The following TRAPPC11 variants were observed in gnomAD, a reference collection of about 807,000 sequenced individuals.
TRAPPC11 encodes foie gras homolog.
In TRAPPC11, 104 loss-of-function variants were observed where a neutral mutation model predicts 151.2. The observed-to-expected ratio is 0.69, with a 90% confidence interval of 0.59 to 0.81. The LOEUF is 0.81. Ranked by LOEUF, TRAPPC11 falls within the 30% of genes least tolerant of loss-of-function variation. TRAPPC11 has a pLI of 0.00. For synonymous variants in TRAPPC11, 456 were observed against 472.3 expected (o/e 0.97, Z 0.45); for missense variants, 1,230 against 1,349.6 (o/e 0.91, Z 1.39).
chr4:183,666,090 C>G (rs1734867597), intron 2 of TRAPPC11, 167 bp from the exon 3 acceptor site: 1 of 547,244 alleles, frequency 1.8e-6, no homozygotes, highest in Non-Finnish European at 3.1e-6. Context: ...GAGATTCCAC[C>G]TTCAACACTT....
At chr4:183,692,467 A>G (rs767701886) in intron 19 of TRAPPC11, among the ~76,000 whole-genome samples, 3 of 152,006 alleles carry the variant, frequency 2.0e-5, no homozygotes, top group Non-Finnish European at 4.4e-5. Context: ...ATAAATAATA[A>G]TTAGTAATTC....
At chr4:183,665,058 C>T (rs1248586856) in intron 2 of TRAPPC11, among the ~76,000 whole-genome samples, 2 of 151,644 alleles carry the variant, frequency 1.3e-5, no homozygotes, top group Non-Finnish European at 2.9e-5. Flanking sequence ...GCATCCCAGC[C>T]CTGGCCCTCA....
chr4:183,659,438 TG>T lies in TRAPPC11; in HGVS notation c.-27del. Reference sequence around the variant, plus strand: ...CCTCAGCTGCAGCGGGCCCGGGGCGTGGGGCCTGGGTGAGTCCGGGCCCGGA... The same window carrying T: ...CCTCAGCTGCAGCGGGCCCGGGGCGTGGGCCTGGGTGAGTCCGGGCCCGGA... On this transcript the variant is annotated 5_prime_UTR_variant, in exon 1 of 30. Coordinates refer to ENST00000334690, the MANE Select transcript of TRAPPC11 (RefSeq NM_021942.6). The T allele has an allele frequency of 6.4e-6, 1 of 155,302 alleles. No individual in the cohort carries two copies. Among genetic ancestry groups the T allele is most frequent in the Non-Finnish European group, 1.4e-5 (1 of 70,142 alleles). 9.6% of individuals were successfully genotyped at this position (155,302 alleles called of 1,614,324 possible).
At chr4:183,660,965 G>A (rs1383307800) in intron 1 of TRAPPC11, among the ~76,000 whole-genome samples, 2 of 152,042 alleles carry the variant, frequency 1.3e-5, no homozygotes, top group Non-Finnish European at 2.9e-5. Flanking sequence ...GCCCGCCTTG[G>A]CCTCCCAAAG....
chr4:183,664,832 A>G (rs1434885811), intron 2 of TRAPPC11, among the ~76,000 whole-genome samples: 2 of 151,864 alleles, frequency 1.3e-5, no homozygotes, highest in Non-Finnish European at 2.9e-5. Flanking sequence ...CTTTTGCCCT[A>G]GAGCAGTGTC....
intron 1 of TRAPPC11, among the ~76,000 whole-genome samples, chr4:183,661,352 G>A (rs1395469528): frequency 7.0e-6 from 1 of 142,104 alleles, no homozygotes; most frequent in East Asian, 2.1e-4. Flanking sequence ...GTATACTGGT[G>A]TAGATTACCT....
At chr4:183,673,033 G>A (rs1464063192) in intron 5 of TRAPPC11, among the ~76,000 whole-genome samples, 2 of 146,506 alleles carry the variant, frequency 1.4e-5, no homozygotes, top group Admixed American at 7.0e-5. Context: ...CGTCATCTCC[G>A]TTCATTGCAA....
chr4:183,712,436 G>A (rs1002774914), intron 29 of TRAPPC11, among the ~76,000 whole-genome samples, 164 bp from the exon 30 acceptor site: 5 of 152,188 alleles, frequency 3.3e-5, no homozygotes, highest in African/African-American at 1.2e-4. Flanking sequence ...GAGGTGGGGT[G>A]AAAGGAGGAG....
In TRAPPC11 at chr4:183,675,144, A is replaced by T. The variant is rs530638694; in HGVS notation, c.661-20A>T. 5.3e-5 allele frequency: 73 copies of T among 1,379,170 alleles called. 1 individual carries two copies. The African/African-American group carries it at 9.7e-4, about 18-fold the overall frequency. The allele number at this position is 1,379,170 out of a possible 1,614,324, so 85.4% of individuals were successfully genotyped here. A position where few individuals can be genotyped will look rare whatever the true frequency, so the allele number is the denominator to read the frequency against. On this transcript the variant is annotated intron_variant, in intron 6 of 29. Coordinates refer to ENST00000334690, the MANE Select transcript of TRAPPC11 (RefSeq NM_021942.6). ...TTTAAATAGAATATGTATAATAGTA[A>T]TTTTTTTGTCTCTTTTTAGCTTTTA...
chr4:183,699,843 T>C (rs887643251), intron 25 of TRAPPC11, among the ~76,000 whole-genome samples: 1 of 152,080 alleles, frequency 6.6e-6, no homozygotes, highest in Non-Finnish European at 1.5e-5. Context: ...GTTTTTTTTT[T>C]TTTGAGACAG....
intron 29 of TRAPPC11, among the ~76,000 whole-genome samples, chr4:183,710,978 G>A (rs1333675345): frequency 6.6e-6 from 1 of 151,784 alleles, no homozygotes; most frequent in Non-Finnish European, 1.5e-5. Flanking sequence ...TTGCAGTGAG[G>A]TGAGACCATG....
chr4:183,666,537 A>G (rs935268908), intron 3 of TRAPPC11, 111 bp downstream of exon 3: 3 of 1,045,974 alleles, frequency 2.9e-6, no homozygotes, highest in Non-Finnish European at 4.1e-6. Context: ...CACTTTGCGG[A>G]TTGACCTCCA....
In TRAPPC11 at chr4:183,684,739, T is replaced by C. The variant is rs900534597; in HGVS notation, c.1465T>C (p.Trp489Arg). The C allele has an allele frequency of 6.2e-7, 1 of 1,613,942 alleles. No homozygotes were observed. Among genetic ancestry groups the C allele is most frequent in the Non-Finnish European group, 8.5e-7 (1 of 1,179,948 alleles). Residue 489 changes from tryptophan to arginine, a missense_variant, in exon 15 of 30, where the codon TGG becomes CGG. Trp to Arg is a moderately radical substitution (Grantham distance 101, BLOSUM62 -3). Coordinates refer to ENST00000334690, the MANE Select transcript of TRAPPC11 (RefSeq NM_021942.6). ...GTGTGATTATCGGAGTGAAGGATGGTGGACTCTGCTCACTTCTGTATTAAC... is the reference window on the plus strand; with the variant it reads ...GTGTGATTATCGGAGTGAAGGATGGCGGACTCTGCTCACTTCTGTATTAAC... ...VMCDYRSEGW[W>R]TLLTSVLTTA...
At chr4:183,697,859 A>T in intron 25 of TRAPPC11, 24 bp downstream of exon 25, 1 of 1,604,398 alleles carries the variant, frequency 6.2e-7, no homozygotes, top group Non-Finnish European at 8.5e-7. Context: ...ATTCCCACTT[A>T]AAGACCAGGA....
rs535047737 is a variant in TRAPPC11, at chr4:183,713,008, G to C, written c.*364G>C. 1 of 216,516 alleles carries C rather than the reference G, an allele frequency of 4.6e-6. No individual in the cohort carries two copies. The highest frequency in any genetic ancestry group is 9.1e-6 in the Non-Finnish European group (1 of 109,330). The allele number at this position is 216,516 out of a possible 1,614,324, so 13.4% of individuals were successfully genotyped here. ...AAAGAGAGCAGATGCACCAGTGCCT[G>C]TGCCATAAAGTTCCGAATCCCCCAT... On this transcript the variant is annotated 3_prime_UTR_variant, in exon 30 of 30. Transcript: ENST00000334690.
At chr4:183,692,800 C>A (rs1170315170) in intron 19 of TRAPPC11, among the ~76,000 whole-genome samples, 160 bp from the exon 20 acceptor site, 3 of 152,088 alleles carry the variant, frequency 2.0e-5, no homozygotes, top group Admixed American at 2.0e-4. Flanking sequence ...TGTCCCAGCC[C>A]GAGTAAGACC....
At chr4:183,705,107 CAAT>C in intron 27 of TRAPPC11, 37 bp downstream of exon 27, 2 of 1,336,782 alleles carry the variant, frequency 1.5e-6, no homozygotes. Flanking sequence ...AAGAAGGACC[CAAT>C]AATAATAGTT....
rs755801967 is a variant in TRAPPC11 at position 183,712,609 on chromosome 4, C to T, written c.3367C>T (p.Arg1123Ter). The T allele has an allele frequency of 6.2e-6, 10 of 1,613,942 alleles. No homozygotes were observed. The highest frequency in any genetic ancestry group is 1.6e-4 in the Middle Eastern group (1 of 6,084). Residue 1123 changes from arginine (R) to a stop codon, truncating the protein, a stop_gained, in exon 30 of 30, where the codon CGA (arginine) becomes TGA (stop). Coordinates refer to ENST00000334690, the MANE Select transcript of TRAPPC11 (RefSeq NM_021942.6). LOFTEE classifies it high-confidence loss of function. ...TTTTCCCACTTTAAAGCCACAGGGT[C>T]GACTCATGGATGATACCTCTATTGC... ...PTSIFVKPQGRLMDDTSIAAA is the reference protein window; with the variant it reads ...PTSIFVKPQG
chr4:183,690,622 A>G (rs1350940678), intron 18 of TRAPPC11, among the ~76,000 whole-genome samples: 1 of 152,306 alleles, frequency 6.6e-6, no homozygotes, highest in Non-Finnish European at 1.5e-5. Context: ...CGTGGAAACA[A>G]ATACATTTCC....
Sources: allele counts gnomAD v4.1 joint callset (sites outside exome capture counted in the v4.1 genomes callset), GRCh38; gene constraint gnomAD v4.1.1; transcripts MANE v1.5; gene names NCBI Gene and HGNC (gene_info 2026-07-23, HGNC 2026-07-21).